Variants in RPS6KA5 observed in about 807,000 individuals in gnomAD.
RPS6KA5 encodes the protein ribosomal protein S6 kinase alpha-5.
A neutral mutation model predicts 85.5 loss-of-function variants in RPS6KA5; 27 were observed. That is an observed-to-expected ratio of 0.32 (90% confidence interval 0.23 to 0.44). The LOEUF (loss-of-function observed/expected upper bound fraction) is 0.44, where lower values mean the gene tolerates loss of function less well. RPS6KA5 is among the 20% of genes least tolerant of loss of function. RPS6KA5 has a pLI of 1.00. For missense variants in RPS6KA5, 811 were observed against 980.9 expected (o/e 0.83, Z 2.31); for synonymous variants, 334 against 348.2 (o/e 0.96, Z 0.46).
intron 1 of RPS6KA5, among the ~76,000 whole-genome samples, chr14:91,030,807 T>C (rs1443543667): frequency 1.3e-5 from 2 of 151,796 alleles, no homozygotes; most frequent in African/African-American, 4.8e-5. Context: ...TAAATCTGTA[T>C]AGGGGGAGCC....
rs1462690049 is a variant in RPS6KA5, at chr14:91,056,123, T to C, written c.103+4209A>G. 2.0e-5 allele frequency among the ~76,000 whole-genome samples: 3 copies of C among 152,216 alleles called. No homozygotes were observed. The East Asian group carries it at 5.8e-4, about 29-fold the overall frequency. ...AAATTCCTGACCCACACAAATCATG[T>C]TGTTTAAGCCACTAAGGTTTGGAAT... On this transcript the variant is annotated intron_variant, in intron 1 of 16. Transcript: ENST00000614987.
chr14:90,890,766 T>C (rs1450150082), intron 13 of RPS6KA5, 88 bp from the exon 14 acceptor site: 4 of 1,220,252 alleles, frequency 3.3e-6, no homozygotes, highest in African/African-American at 1.5e-5. Context: ...TGTATATTGA[T>C]AGTTGATTCA....
At chr14:90,947,302 G>T in intron 4 of RPS6KA5, 133 bp downstream of exon 4, 2 of 491,336 alleles carry the variant, frequency 4.1e-6, no homozygotes, top group Non-Finnish European at 3.6e-6. Context: ...TGAGAAAATT[G>T]GTAATGTTCT....
chr14:90,912,904 C>CTTTTTTTTTTTTTTT, intron 7 of RPS6KA5, among the ~76,000 whole-genome samples: 1 of 53,288 alleles, frequency 1.9e-5, no homozygotes, highest in Non-Finnish European at 3.2e-5. Flanking sequence ...CATAAAGCAT[C>CTTTTTTTTTTTTTTT]TTTTTTTTTT....
At chr14:90,886,549 G>A (rs935542100) in intron 14 of RPS6KA5, among the ~76,000 whole-genome samples, 1 of 152,148 alleles carries the variant, frequency 6.6e-6, no homozygotes, top group African/African-American at 2.4e-5. Context: ...TGTCCTTAAA[G>A]GGACAGACAC....
At chr14:91,023,344 A>C (rs1044027868) in intron 1 of RPS6KA5, among the ~76,000 whole-genome samples, 5 of 151,212 alleles carry the variant, frequency 3.3e-5, no homozygotes, top group African/African-American at 9.7e-5. Context: ...GCTGGACTGC[A>C]ATGGTGTGAT....
In RPS6KA5 at chr14:91,004,189, C is replaced by A. The variant is rs542858122; in HGVS notation, c.104-3030G>T. ...CAAGCTCCGCCTCCCGGGTTCACGC[C>A]ATTCTCCTGCCTCAGCCTCCCGAGG... is the stretch of plus-strand genomic sequence containing the variant. On this transcript the variant is annotated intron_variant, in intron 1 of 16. Coordinates refer to ENST00000614987, the MANE Select transcript of RPS6KA5 (RefSeq NM_004755.4). 9.3e-4 allele frequency among the ~76,000 whole-genome samples: 141 copies of A among 152,242 alleles called. 1 individual carries two copies. Among genetic ancestry groups the A allele is most frequent in the African/African-American group, 3.2e-3 (131 of 41,562 alleles).
At chr14:90,916,258 C>T (rs1304096126) in intron 7 of RPS6KA5, among the ~76,000 whole-genome samples, 2 of 152,120 alleles carry the variant, frequency 1.3e-5, no homozygotes, top group Non-Finnish European at 2.9e-5. Context: ...GCACAACTAT[C>T]AGGGATTCTT....
intron 9 of RPS6KA5, among the ~76,000 whole-genome samples, chr14:90,902,242 T>C (rs61987394): frequency 0.05 from 7,668 of 152,048 alleles, 287 homozygotes; most frequent in Non-Finnish European, 0.08. Flanking sequence ...GCCAGCACTT[T>C]GGGAGGCCAA....
intron 1 of RPS6KA5, among the ~76,000 whole-genome samples, chr14:91,046,731 GC>G (rs1276756577): frequency 6.6e-6 from 1 of 152,094 alleles, no homozygotes; most frequent in African/African-American, 2.4e-5. Context: ...TTTACCTCTA[GC>G]ATTCTTTTAA....
At chr14:90,946,969 C>G (rs1335216538) in intron 4 of RPS6KA5, among the ~76,000 whole-genome samples, 1 of 152,076 alleles carries the variant, frequency 6.6e-6, no homozygotes, top group African/African-American at 2.4e-5. Context: ...GAGACGGTGT[C>G]AGGGACAAAA....
chr14:90,923,359 A>G, intron 5 of RPS6KA5, 163 bp from the exon 6 acceptor site: 1 of 611,050 alleles, frequency 1.6e-6, no homozygotes, highest in Non-Finnish European at 2.9e-6. Context: ...CACTGTCTAC[A>G]TAATATGAGT....
rs980692874 is a variant in RPS6KA5, at chr14:91,060,515, G to A, written c.-81C>T. ...GGACGCCCGTCCCCTCGCAGCCGCT[G>A]CCGCGGCCCCAGGAGTCGGGGTGCG... On this transcript the variant is annotated 5_prime_UTR_variant, in exon 1 of 17. Transcript: ENST00000614987. 2.4e-5 allele frequency: 30 copies of A among 1,245,098 alleles called. No individual in the cohort carries two copies. Among genetic ancestry groups the A allele is most frequent in the African/African-American group, 7.8e-5 (5 of 64,074 alleles). 77.1% of individuals were successfully genotyped at this position (1,245,098 alleles called of 1,614,324 possible).
rs904646356 is a variant in RPS6KA5, at chr14:90,870,346, G to A, written c.*1728C>T. On this transcript the variant is annotated 3_prime_UTR_variant, in exon 17 of 17. Coordinates refer to ENST00000614987, the MANE Select transcript of RPS6KA5 (RefSeq NM_004755.4). ...ATTACTAGGAATAACTGAAAGCTGGGAGTAGAAAACTTTCATTAACTCAAT... is the reference window on the plus strand; with the variant it reads ...ATTACTAGGAATAACTGAAAGCTGGAAGTAGAAAACTTTCATTAACTCAAT... 6 of 152,110 alleles carry A rather than the reference G, an allele frequency of 3.9e-5. No individual in the cohort carries two copies. Among genetic ancestry groups the A allele is most frequent in the Admixed American group, 1.3e-4 (2 of 15,274 alleles). 9.4% of individuals were successfully genotyped at this position (152,110 alleles called of 1,614,324 possible).
At chr14:91,038,887 T>C (rs1179024164) in intron 1 of RPS6KA5, among the ~76,000 whole-genome samples, 1 of 152,208 alleles carries the variant, frequency 6.6e-6, no homozygotes, top group Non-Finnish European at 1.5e-5. Flanking sequence ...TTCACCCTTA[T>C]GATTAAATCT....
intron 13 of RPS6KA5, among the ~76,000 whole-genome samples, chr14:90,891,946 G>A (rs1301025023): frequency 6.6e-6 from 1 of 151,666 alleles, no homozygotes; most frequent in Non-Finnish European, 1.5e-5. Flanking sequence ...CTTTGGAAAT[G>A]ACCATGTTTA....
At chr14:90,891,289 T>C (rs957463897) in intron 13 of RPS6KA5, among the ~76,000 whole-genome samples, 1 of 150,806 alleles carries the variant, frequency 6.6e-6, no homozygotes, top group African/African-American at 2.4e-5. Flanking sequence ...TATTGCCTAT[T>C]GAAGAAGACA....
intron 1 of RPS6KA5, among the ~76,000 whole-genome samples, chr14:91,018,459 C>T (rs1169255107): frequency 6.6e-6 from 1 of 152,156 alleles, no homozygotes; most frequent in Non-Finnish European, 1.5e-5. Context: ...AGAAGACCTA[C>T]CCTCAATGTG....
chr14:90,995,859 T>C (rs2040494047), intron 2 of RPS6KA5, among the ~76,000 whole-genome samples: 1 of 152,090 alleles, frequency 6.6e-6, no homozygotes, highest in Admixed American at 6.5e-5. Flanking sequence ...GCAGGAGGAT[T>C]ACTTGGGCCC....
Sources: allele counts gnomAD v4.1 joint callset (sites outside exome capture counted in the v4.1 genomes callset), GRCh38; gene constraint gnomAD v4.1.1; transcripts MANE v1.5; gene names NCBI Gene and HGNC (gene_info 2026-07-23, HGNC 2026-07-21).